Variants in WDR70 observed in about 807,000 individuals in gnomAD.
The protein encoded by WDR70 is WD repeat-containing protein 70.
A neutral mutation model predicts 88.6 loss-of-function variants in WDR70; 53 were observed. The observed-to-expected ratio is 0.60, with a 90% CI of 0.48 to 0.75. The LOEUF (loss-of-function observed/expected upper bound fraction) is 0.75, where lower values mean the gene tolerates loss of function less well. Ranked by LOEUF, WDR70 falls within the 30% of genes least tolerant of loss-of-function variation. The probability of loss-of-function intolerance (pLI) is 0.00; values close to 1 mark genes in which losing one functional copy is unlikely to be tolerated. For missense variants in WDR70, 610 were observed against 823.2 expected, an observed-to-expected ratio of 0.74 and a Z score of 3.17; for synonymous variants, 280 against 270.0, an observed-to-expected ratio of 1.04 and a Z score of -0.36.
intron 9 of WDR70, among the ~76,000 whole-genome samples, chr5:37,583,561 T>G (rs1743281429): frequency 9.8e-6 from 1 of 101,852 alleles, no homozygotes; most frequent in Non-Finnish European, 2.6e-5. Context: ...TGGGATCCCT[T>G]ATACTTGTGT....
At chr5:37,383,600 G>T (rs1168756792) in intron 3 of WDR70, among the ~76,000 whole-genome samples, 3 of 150,316 alleles carry the variant, frequency 2.0e-5, no homozygotes, top group Non-Finnish European at 4.4e-5. Context: ...ATTTTTTTGA[G>T]ATGGCGTCTC....
intron 9 of WDR70, among the ~76,000 whole-genome samples, chr5:37,531,646 G>A (rs13162481): frequency 4.6e-5 from 6 of 130,702 alleles, no homozygotes; most frequent in Admixed American, 1.8e-4. Flanking sequence ...TGCTTTTGGC[G>A]TCCATTTCCG....
chr5:37,573,084 G>T (rs969441648), intron 9 of WDR70, among the ~76,000 whole-genome samples: 1 of 152,134 alleles, frequency 6.6e-6, no homozygotes, highest in African/African-American at 2.4e-5. Flanking sequence ...AAGTTTCTCT[G>T]TTATACTTTT....
intron 5 of WDR70, among the ~76,000 whole-genome samples, chr5:37,418,199 A>T (rs1212056842): frequency 6.7e-6 from 1 of 148,362 alleles, no homozygotes; most frequent in African/African-American, 2.6e-5. Context: ...TTAAATTTTG[A>T]ATTATGAATT....
chr5:37,448,750 A>G (rs1257974760), intron 7 of WDR70, among the ~76,000 whole-genome samples: 2 of 144,308 alleles, frequency 1.4e-5, no homozygotes, highest in East Asian at 2.1e-4. Context: ...TTTTTTTTTC[A>G]CTAATGATTC....
intron 5 of WDR70, among the ~76,000 whole-genome samples, chr5:37,399,419 C>CA (rs950538639): frequency 6.6e-6 from 1 of 151,638 alleles, no homozygotes. Context: ...GACTCTGTCT[C>CA]AAAAAAAAAT....
intron 5 of WDR70, among the ~76,000 whole-genome samples, chr5:37,433,218 G>A (rs534556829): frequency 3.9e-5 from 6 of 152,004 alleles, no homozygotes; most frequent in East Asian, 1.9e-4. Context: ...GTGCTACCAC[G>A]CCTGGCTAAT....
intron 9 of WDR70, among the ~76,000 whole-genome samples, chr5:37,586,411 CT>C (rs757544595): frequency 4.6e-5 from 7 of 152,066 alleles, no homozygotes; most frequent in South Asian, 2.1e-4. Flanking sequence ...ATGATCACAC[CT>C]TTTTTTTATT....
intron 9 of WDR70, among the ~76,000 whole-genome samples, chr5:37,569,803 A>C (rs1380093469): frequency 6.6e-6 from 1 of 152,212 alleles, no homozygotes; most frequent in South Asian, 2.1e-4. Context: ...TTGAGGGATC[A>C]GTGTTCCCCT....
At chr5:37,620,356 C>T (rs1744474402) in intron 10 of WDR70, among the ~76,000 whole-genome samples, 1 of 152,084 alleles carries the variant, frequency 6.6e-6, no homozygotes, top group Non-Finnish European at 1.5e-5. Flanking sequence ...GCTCATGGGG[C>T]AGGGCGCTAA....
chr5:37,603,137 GAA>G (rs577522789), intron 9 of WDR70, among the ~76,000 whole-genome samples: 1 of 141,266 alleles, frequency 7.1e-6, no homozygotes, highest in Non-Finnish European at 1.6e-5. Flanking sequence ...CATAGAAATA[GAA>G]AAAAAAAAAC....
intron 5 of WDR70, among the ~76,000 whole-genome samples, chr5:37,409,943 C>A (rs1358915552): frequency 6.6e-6 from 1 of 152,086 alleles, no homozygotes; most frequent in African/African-American, 2.4e-5. Context: ...CATGTCAAAT[C>A]TTTCATCACA....
chr5:37,519,158 A>C (rs1036582764), intron 9 of WDR70, among the ~76,000 whole-genome samples: 10 of 152,114 alleles, frequency 6.6e-5, no homozygotes, highest in Middle Eastern at 3.2e-3. Context: ...CTTTTCGACA[A>C]AACTGCCATC....
chr5:37,653,164 T>C (rs1745455226), intron 10 of WDR70, among the ~76,000 whole-genome samples: 1 of 152,234 alleles, frequency 6.6e-6, no homozygotes, highest in Admixed American at 6.5e-5. Context: ...TGTTGAATTT[T>C]GTTGAAGGCC....
intron 10 of WDR70, among the ~76,000 whole-genome samples, chr5:37,695,831 T>G (rs1746965095): frequency 6.6e-6 from 1 of 152,112 alleles, no homozygotes; most frequent in African/African-American, 2.4e-5. Flanking sequence ...TTCATGGACA[T>G]CACACTAGGG....
In WDR70 at chr5:37,562,164, C is replaced by G. The variant is rs545232389; in HGVS notation, c.918-42900C>G. Among the ~76,000 whole-genome samples the G allele has an allele frequency of 2.6e-5, 4 of 152,278 alleles. No homozygotes were observed. In the South Asian group the frequency reaches 8.3e-4, roughly 32 times the overall value. On this transcript the variant is annotated intron_variant, in intron 9 of 17. Transcript: ENST00000265107. ...CTTGAGGCCAGGTGTTCGAGACCAG[C>G]CTGGTCAACATGGTGAAACCCCGTC...
At chr5:37,537,765 T>C (rs1741706528) in intron 9 of WDR70, among the ~76,000 whole-genome samples, 1 of 152,190 alleles carries the variant, frequency 6.6e-6, no homozygotes. Context: ...CACATGACAC[T>C]ATAAAATATC....
rs896946212 is a variant in WDR70, at chr5:37,627,290, G to A, written c.1092+22052G>A. Among the ~76,000 whole-genome samples, 9 of 152,012 alleles carry A rather than the reference G, an allele frequency of 5.9e-5. No homozygotes were observed. In the South Asian group the frequency reaches 8.3e-4, roughly 14 times the overall value. Reference sequence around the variant, plus strand: ...TTTTCTGTAGAGATGAAGTTTCACCGTGTTTCCCAGGAAACTTGAGAACGT... The same window carrying A: ...TTTTCTGTAGAGATGAAGTTTCACCATGTTTCCCAGGAAACTTGAGAACGT... On this transcript the variant is annotated intron_variant, in intron 10 of 17. Transcript: ENST00000265107.
chr5:37,619,107 G>A (rs1352944911), intron 10 of WDR70, among the ~76,000 whole-genome samples: 1 of 152,186 alleles, frequency 6.6e-6, no homozygotes, highest in East Asian at 1.9e-4. Flanking sequence ...TCCGTGTCAT[G>A]GTGCCTTATT....
Sources: allele counts gnomAD v4.1 joint callset (sites outside exome capture counted in the v4.1 genomes callset), GRCh38; gene constraint gnomAD v4.1.1; transcripts MANE v1.5; gene names NCBI Gene and HGNC (gene_info 2026-07-23, HGNC 2026-07-21).